VPS8: variants seen among roughly 807,000 people sequenced by gnomAD.
VPS8 encodes VPS8 subunit of CORVET complex.
In VPS8, 129 loss-of-function variants were observed where a neutral mutation model predicts 216.4. The observed-to-expected ratio is 0.60, with a 90% CI of 0.52 to 0.69. VPS8 has a LOEUF of 0.69. Ranked by LOEUF, VPS8 falls within the 30% of genes least tolerant of loss-of-function variation. The pLI is 0.00. For missense variants in VPS8, 1,531 were observed against 1,683.5 expected, an observed-to-expected ratio of 0.91 and a Z score of 1.59; for synonymous variants, 571 against 565.4, an observed-to-expected ratio of 1.01 and a Z score of -0.14.
intron 25 of VPS8, among the ~76,000 whole-genome samples, chr3:184,910,771 C>T (rs556235097): frequency 3.3e-5 from 5 of 152,210 alleles, no homozygotes; most frequent in East Asian, 3.9e-4. Flanking sequence ...GTTCAGAGTA[C>T]GCTTACCTCA....
At chr3:185,047,534 G>A (rs962891049) in intron 46 of VPS8, among the ~76,000 whole-genome samples, 3 of 152,094 alleles carry the variant, frequency 2.0e-5, no homozygotes, top group Admixed American at 1.3e-4. Context: ...ATGATATAGG[G>A]CAAAGAAAAA....
At chr3:184,880,864 C>A (rs1253466604) in intron 21 of VPS8, among the ~76,000 whole-genome samples, 1 of 152,098 alleles carries the variant, frequency 6.6e-6, no homozygotes, top group Non-Finnish European at 1.5e-5. Flanking sequence ...CTGGTAGGTG[C>A]ATAATGGTAT....
intron 46 of VPS8, among the ~76,000 whole-genome samples, chr3:185,044,144 C>T (rs531460874): frequency 2.0e-5 from 3 of 152,260 alleles, no homozygotes; most frequent in African/African-American, 7.2e-5. Context: ...GAGCTGATAT[C>T]GTGCCACTGC....
At chr3:184,813,318 A>G (rs1218774511) in intron 1 of VPS8, among the ~76,000 whole-genome samples, 2 of 152,150 alleles carry the variant, frequency 1.3e-5, no homozygotes, top group Non-Finnish European at 2.9e-5. Context: ...CCCAAGCAAA[A>G]CAAGCATGGA....
chr3:184,992,230 T>C (rs1751995718), intron 42 of VPS8, among the ~76,000 whole-genome samples: 1 of 152,164 alleles, frequency 6.6e-6, no homozygotes. Context: ...TAGCCTTTTT[T>C]CCTTCTGAAC....
intron 45 of VPS8, among the ~76,000 whole-genome samples, chr3:185,019,529 G>T (rs1756337443): frequency 6.6e-6 from 1 of 152,162 alleles, no homozygotes; most frequent in South Asian, 2.1e-4. Flanking sequence ...GAAATAAAGG[G>T]ATGGGCCGAA....
intron 20 of VPS8, 62 bp downstream of exon 20, chr3:184,869,590 G>T: frequency 6.5e-7 from 1 of 1,536,140 alleles, no homozygotes; most frequent in East Asian, 2.3e-5. Context: ...TCATTTGCCA[G>T]TATCTTTGGG....
intron 21 of VPS8, among the ~76,000 whole-genome samples, chr3:184,880,002 GA>G (rs1730002289): frequency 6.6e-6 from 1 of 152,180 alleles, no homozygotes; most frequent in South Asian, 2.1e-4. Context: ...AAGCCAGATT[GA>G]AAGTGTTAAT....
At chr3:184,869,438 G>A in intron 19 of VPS8, 44 bp from the exon 20 acceptor site, 1 of 1,598,496 alleles carries the variant, frequency 6.3e-7, no homozygotes, top group Middle Eastern at 1.7e-4. Context: ...TCCTAAAGAT[G>A]TGGACTAACT....
chr3:185,000,386 A>C (rs1043794947), intron 45 of VPS8, among the ~76,000 whole-genome samples: 4 of 152,048 alleles, frequency 2.6e-5, no homozygotes, highest in African/African-American at 4.8e-5. Context: ...CTACCGCTTG[A>C]TAGTTTTCAG....
intron 42 of VPS8, among the ~76,000 whole-genome samples, 169 bp downstream of exon 42, chr3:184,983,263 C>A (rs1048013206): frequency 6.6e-6 from 1 of 152,172 alleles, no homozygotes; most frequent in Admixed American, 6.5e-5. Context: ...ATTCTTGAAT[C>A]TTTTCTGTCA....
intron 46 of VPS8, among the ~76,000 whole-genome samples, chr3:185,043,555 G>A (rs749603993): frequency 3.3e-5 from 5 of 152,166 alleles, no homozygotes; most frequent in Non-Finnish European, 7.4e-5. Context: ...ATTCGTGAAC[G>A]CCTAGTGTGT....
rs1164123211 is a variant in VPS8, at chr3:184,981,616, A to G, written c.3421-950A>G. ...GCCTGGCTAATTTTTTTGTATTTTT[A>G]GTAGAGACGGGGTTTCACCATGTTG... On this transcript the variant is annotated intron_variant, in intron 40 of 47. Transcript: ENST00000625842. 2.6e-5 allele frequency among the ~76,000 whole-genome samples: 4 copies of G among 151,492 alleles called. No individual in the cohort carries two copies. The East Asian group carries it at 7.7e-4, about 29-fold the overall frequency.
chr3:184,846,199 A>C (rs1189073473), intron 8 of VPS8, among the ~76,000 whole-genome samples: 1 of 151,400 alleles, frequency 6.6e-6, no homozygotes, highest in Non-Finnish European at 1.5e-5. Flanking sequence ...ACATTATAAA[A>C]ACAACAAATA....
At chr3:184,932,506 CA>C in intron 34 of VPS8, among the ~76,000 whole-genome samples, 1 of 152,242 alleles carries the variant, frequency 6.6e-6, no homozygotes, top group East Asian at 1.9e-4. Context: ...GAAAAGCAAA[CA>C]TCCTAGGTCC....
At chr3:184,844,057 T>A (rs1722661572) in intron 8 of VPS8, among the ~76,000 whole-genome samples, 2 of 152,200 alleles carry the variant, frequency 1.3e-5, no homozygotes, top group Non-Finnish European at 2.9e-5. Context: ...TGTTTTATGA[T>A]CATCGATGAA....
intron 36 of VPS8, among the ~76,000 whole-genome samples, chr3:184,946,068 G>A (rs144391799): frequency 3.6e-4 from 55 of 152,218 alleles, no homozygotes; most frequent in African/African-American, 1.3e-3. Context: ...TACAATAGTG[G>A]TGTTATCTAT....
intron 21 of VPS8, among the ~76,000 whole-genome samples, chr3:184,871,189 AATAG>A (rs1728276205): frequency 6.7e-6 from 1 of 148,876 alleles, no homozygotes; most frequent in Non-Finnish European, 1.5e-5. Context: ...ACTTAAGAAT[AATAG>A]ATCAATCACA....
chr3:185,041,843 T>C (rs1320166652), intron 46 of VPS8, among the ~76,000 whole-genome samples: 2 of 152,166 alleles, frequency 1.3e-5, no homozygotes, highest in Non-Finnish European at 2.9e-5. Context: ...CTGTCTCAAA[T>C]CAATTGTGCC....
Sources: gnomAD v4.1 joint callset for allele counts (sites outside exome capture counted in the v4.1 genomes callset) on GRCh38, gnomAD v4.1.1 for gene constraint, MANE v1.5 for transcripts, NCBI Gene and HGNC (gene_info 2026-07-23, HGNC 2026-07-21) for gene names.